Variants in HIVEP1 observed in about 807,000 individuals in gnomAD.
HIVEP1 encodes zinc finger protein 40.
A neutral mutation model predicts 180.0 loss-of-function variants in HIVEP1; 36 were observed. The ratio of observed to expected loss-of-function variants is 0.20; its 90% CI spans 0.15 to 0.26. The LOEUF (loss-of-function observed/expected upper bound fraction) is 0.26. Ranked by LOEUF, HIVEP1 falls within the 10% of genes least tolerant of loss-of-function variation. The pLI is 1.00. For missense variants in HIVEP1, 3,143 were observed against 3,268.7 expected, an observed-to-expected ratio of 0.96 and a Z score of 0.94; for synonymous variants, 1,239 against 1,239.0, an observed-to-expected ratio of 1.00 and a Z score of 0.00.
At chr6:12,108,353 G>A (rs1774607267) in intron 3 of HIVEP1, among the ~76,000 whole-genome samples, 1 of 152,232 alleles carries the variant, frequency 6.6e-6, no homozygotes, top group African/African-American at 2.4e-5. Context: ...CAGGACTGCA[G>A]GTGGAGCTGC....
the HIVEP1 span, among the ~76,000 whole-genome samples, chr6:12,179,031 A>T: frequency 2.0e-5 from 3 of 152,182 alleles, no homozygotes; most frequent in African/African-American, 7.2e-5. Flanking sequence ...GAAAGATATA[A>T]ACAAATGAAG....
At chr6:12,208,215 T>C in the HIVEP1 span, among the ~76,000 whole-genome samples, 9 of 152,214 alleles carry the variant, frequency 5.9e-5, no homozygotes, top group Non-Finnish European at 1.0e-4. Context: ...CTACATGCCT[T>C]GTAGCACCTA....
chr6:12,202,224 G>A, the HIVEP1 span, among the ~76,000 whole-genome samples: 3 of 151,884 alleles, frequency 2.0e-5, no homozygotes, highest in Admixed American at 6.6e-5. Context: ...GTGCGATCAC[G>A]GCTCACTGCA....
the HIVEP1 span, among the ~76,000 whole-genome samples, chr6:12,211,644 C>T: frequency 4.6e-5 from 7 of 151,566 alleles, no homozygotes; most frequent in Non-Finnish European, 1.5e-5. Context: ...GCATTTTCAC[C>T]ATAAAGAAAT....
Position 12,123,245 on chromosome 6 carries a change from G to T in HIVEP1, c.3450G>T (p.Lys1150Asn). The change falls in exon 4 of 9, where the codon AAG becomes AAT. Residue 1150 changes from lysine (K) to asparagine (N), a missense_variant. Coordinates refer to ENST00000379388, the MANE Select transcript of HIVEP1 (RefSeq NM_002114.4). Reference sequence around the variant, plus strand: ...TGAGCAGGCCCAACTCATTTGACAAGCCTGAGCCTTTTGAAAGAGCCTCCC... The same window carrying T: ...TGAGCAGGCCCAACTCATTTGACAATCCTGAGCCTTTTGAAAGAGCCTCCC... The part of the protein sequence containing the change: ...NSLSRPNSFD[K>N]PEPFERASPV... 1 of 1,614,146 alleles carries T rather than the reference G, an allele frequency of 6.2e-7. No homozygotes were observed. Among genetic ancestry groups the T allele is most frequent in the East Asian group, 2.2e-5 (1 of 44,880 alleles).
the HIVEP1 span, among the ~76,000 whole-genome samples, chr6:12,204,360 T>TCCCTTCCCCGTCTTCCTCTTTTACCTC: frequency 0.41 from 61,133 of 150,310 alleles, 14,206 homozygotes; most frequent in East Asian, 0.54. Flanking sequence ...TCAAGCTTCC[T>TCCCTTCCCCGTCTTCCTCTTTTACCTC]CCCTTCCCCG....
intron 2 of HIVEP1, among the ~76,000 whole-genome samples, chr6:12,080,241 T>A (rs1458044385): frequency 6.6e-6 from 1 of 152,098 alleles, no homozygotes; most frequent in African/African-American, 2.4e-5. Flanking sequence ...TCTGAAATAG[T>A]GTGAGGTTTT....
chr6:12,041,934 T>C (rs62395284), intron 2 of HIVEP1, among the ~76,000 whole-genome samples: 3,638 of 150,432 alleles, frequency 0.024, 77 homozygotes, highest in East Asian at 0.039. Context: ...GCTGGGGTTA[T>C]AGGTGTGAGT....
intron 3 of HIVEP1, among the ~76,000 whole-genome samples, chr6:12,119,161 C>T (rs1447516432): frequency 6.6e-6 from 1 of 152,156 alleles, no homozygotes; most frequent in Non-Finnish European, 1.5e-5. Flanking sequence ...ATTCTGTCTT[C>T]CCTTACCAGC....
chr6:12,120,641 T>C lies in HIVEP1; in HGVS notation c.846T>C (p.His282=), dbSNP rs1775514322. ...NEQGAMQSAS[H]LYHQHEHFVP... ...AAGGGGCAATGCAGTCAGCTTCTCATTTGTATCATCAACATGAACACTTTG... is the reference window on the plus strand; with the variant it reads ...AAGGGGCAATGCAGTCAGCTTCTCACTTGTATCATCAACATGAACACTTTG... The change falls in exon 4 of 9, where the codon CAT becomes CAC. Residue 282 remains histidine (H), a synonymous_variant. Transcript: ENST00000379388. The C allele has an allele frequency of 5.0e-6, 8 of 1,614,202 alleles. No homozygotes were observed. Among genetic ancestry groups the C allele is most frequent in the Non-Finnish European group, 6.8e-6 (8 of 1,180,026 alleles).
intron 2 of HIVEP1, among the ~76,000 whole-genome samples, chr6:12,078,357 A>G (rs529707146): frequency 3.9e-4 from 60 of 152,268 alleles, no homozygotes; most frequent in African/African-American, 1.3e-3. Context: ...CCCCAGTACC[A>G]GTAGACCAAG....
chr6:12,163,578 A>G lies in HIVEP1; in HGVS notation c.7274A>G (p.Gln2425Arg). 6.2e-7 allele frequency: 1 copy of G among 1,614,206 alleles called. No homozygotes were observed. Among genetic ancestry groups the G allele is most frequent in the South Asian group, 1.1e-5 (1 of 91,088 alleles). ...TFVPLQAGPV[Q>R]LTIPAVSVVH... ...GTGCCCCTTCAGGCTGGACCAGTGC[A>G]GCTCACGATCCCTGCTGTCAGTGTC... Residue 2425 changes from glutamine to arginine, a missense_variant, in exon 9 of 9, where the codon CAG becomes CGG. Coordinates refer to ENST00000379388, the MANE Select transcript of HIVEP1 (RefSeq NM_002114.4).
intron 2 of HIVEP1, among the ~76,000 whole-genome samples, chr6:12,030,037 C>G (rs72826025): frequency 0.035 from 5,390 of 152,106 alleles, 156 homozygotes; most frequent in Middle Eastern, 0.15. Flanking sequence ...TTTTTCCTTC[C>G]GTTTTGAAGC....
At chr6:12,072,980 C>A (rs1410649621) in intron 2 of HIVEP1, among the ~76,000 whole-genome samples, 1 of 152,078 alleles carries the variant, frequency 6.6e-6, no homozygotes, top group Non-Finnish European at 1.5e-5. Flanking sequence ...CTGTGTGTCA[C>A]ATTTTTGTGA....
At chr6:12,172,421 C>G in the HIVEP1 span, among the ~76,000 whole-genome samples, 4 of 151,776 alleles carry the variant, frequency 2.6e-5, no homozygotes, top group African/African-American at 9.7e-5. Context: ...ATTTCCCCAC[C>G]ACCTAGACCA....
chr6:12,102,551 G>A (rs1774172496), intron 3 of HIVEP1, among the ~76,000 whole-genome samples: 1 of 152,104 alleles, frequency 6.6e-6, no homozygotes, highest in African/African-American at 2.4e-5. Flanking sequence ...CAGACAAGTA[G>A]ACTAGGAACA....
Position 12,036,847 on chromosome 6 carries a change from G to T in HIVEP1, c.40+21179G>T, listed in dbSNP as rs556077341. 6.0e-4 allele frequency among the ~76,000 whole-genome samples: 92 copies of T among 152,358 alleles called. No homozygotes were observed. The South Asian group carries it at 0.018, about 31-fold the overall frequency. ...TGCTTGAACCCGGGAGGCGGAGGCT[G>T]CAGTGAGCTGAGATTGCACCACTGC... On this transcript the variant is annotated intron_variant, in intron 2 of 8. Transcript: ENST00000379388.
At chr6:12,211,813 A>G in the HIVEP1 span, among the ~76,000 whole-genome samples, 10 of 152,276 alleles carry the variant, frequency 6.6e-5, no homozygotes, top group Admixed American at 6.5e-4. Context: ...GTCAAGAGGA[A>G]CTTCCGTGGT....
the HIVEP1 span, among the ~76,000 whole-genome samples, chr6:12,196,865 A>G: frequency 6.6e-6 from 1 of 152,236 alleles, no homozygotes; most frequent in Non-Finnish European, 1.5e-5. Flanking sequence ...TATGCTAGGA[A>G]CTGACAAGAA....
Sources: gnomAD v4.1 joint callset for allele counts (sites outside exome capture counted in the v4.1 genomes callset) on GRCh38, gnomAD v4.1.1 for gene constraint, MANE v1.5 for transcripts, NCBI Gene and HGNC (gene_info 2026-07-23, HGNC 2026-07-21) for gene names.